The following CFAP54 variants were observed in gnomAD, a reference collection of about 807,000 sequenced individuals.
CFAP54 encodes cilia and flagella associated protein 54, also known as cilia- and flagella-associated protein 54.
A neutral mutation model predicts 370.4 loss-of-function variants in CFAP54; 290 were observed. The observed-to-expected ratio is 0.78, with a 90% CI of 0.71 to 0.86. The LOEUF is 0.86. Among genes scored for constraint, CFAP54 ranks in the 40% least tolerant of loss-of-function variants. The probability of loss-of-function intolerance (pLI) is 0.00; values close to 1 mark genes in which losing one functional copy is unlikely to be tolerated. For missense variants in CFAP54, 3,399 were observed against 3,528.7 expected (o/e 0.96, Z 0.93); for synonymous variants, 1,206 against 1,236.5 (o/e 0.98, Z 0.52).
At chr12:96,831,511 A>G (rs1959171049) in intron 66 of CFAP54, among the ~76,000 whole-genome samples, 1 of 152,212 alleles carries the variant, frequency 6.6e-6, no homozygotes, top group African/African-American at 2.4e-5. Context: ...TGGCCTACAA[A>G]GCCTAACTTA....
At chr12:96,811,968 T>C in intron 64 of CFAP54, 126 bp downstream of exon 64, 1 of 566,876 alleles carries the variant, frequency 1.8e-6, no homozygotes, top group Non-Finnish European at 3.0e-6. Flanking sequence ...GAATCTTCCT[T>C]TTGTTTAGAG....
intron 66 of CFAP54, among the ~76,000 whole-genome samples, chr12:96,835,553 G>C (rs1342331002): frequency 6.6e-6 from 1 of 152,156 alleles, no homozygotes; most frequent in Non-Finnish European, 1.5e-5. Flanking sequence ...TTCATTACAT[G>C]CAGGCTTGGC....
intron 14 of CFAP54, among the ~76,000 whole-genome samples, chr12:96,546,050 G>C (rs1429086384): frequency 6.6e-6 from 1 of 152,192 alleles, no homozygotes; most frequent in African/African-American, 2.4e-5. Context: ...ACCCAGGGAG[G>C]GGGTCACAGG....
At position 96,824,415 on chromosome 12, in the gene CFAP54, G is replaced by A. The variant is rs75920202; in HGVS notation, c.9097-4599G>A. On this transcript the variant is annotated intron_variant, in intron 65 of 67. Coordinates refer to ENST00000524981, the MANE Select transcript of CFAP54 (RefSeq NM_001306084.2). ...CTTCATCTGTGATGTGAATTGATTA[G>A]TGACATAGACAGTGTCATTTTGTTT... Among the ~76,000 whole-genome samples, 1,426 of 152,300 alleles carry A rather than the reference G, an allele frequency of 9.4e-3. 52 individuals are homozygous for A. In the East Asian group the frequency reaches 0.097, roughly 10 times the overall value.
intron 19 of CFAP54, among the ~76,000 whole-genome samples, chr12:96,568,349 GA>G (rs1386608711): frequency 8.5e-5 from 13 of 152,072 alleles, no homozygotes; most frequent in Admixed American, 7.9e-4. Context: ...GATGCATTAA[GA>G]GGCTCTATTT....
At chr12:96,654,454 T>G (rs1424479461) in intron 36 of CFAP54, among the ~76,000 whole-genome samples, 1 of 143,448 alleles carries the variant, frequency 7.0e-6, no homozygotes, top group Non-Finnish European at 1.5e-5. Context: ...TGAGCCGAGA[T>G]CCCGCCGCTG....
intron 50 of CFAP54, among the ~76,000 whole-genome samples, chr12:96,734,732 A>G (rs1350969947): frequency 3.3e-5 from 5 of 152,224 alleles, no homozygotes; most frequent in Non-Finnish European, 7.3e-5. Context: ...AAAAAATACA[A>G]TTAAATAACA....
At chr12:96,855,209 C>T in intron 66 of CFAP54, among the ~76,000 whole-genome samples, 1 of 152,176 alleles carries the variant, frequency 6.6e-6, no homozygotes. Flanking sequence ...AGGTCCCTCT[C>T]ATGACACATG....
chr12:96,499,978 A>AAAACC (rs1407516043), intron 1 of CFAP54, among the ~76,000 whole-genome samples: 1 of 150,890 alleles, frequency 6.6e-6, no homozygotes, highest in African/African-American at 2.5e-5. Context: ...AAAACAAAAC[A>AAAACC]AAACAAAAAA....
At chr12:96,758,274 T>A (rs1958288189) in intron 58 of CFAP54, among the ~76,000 whole-genome samples, 2 of 152,144 alleles carry the variant, frequency 1.3e-5, no homozygotes, top group African/African-American at 4.8e-5. Context: ...AAGACATACC[T>A]GAGACTGAGT....
At chr12:96,549,435 C>T (rs1955672423) in intron 15 of CFAP54, among the ~76,000 whole-genome samples, 1 of 152,016 alleles carries the variant, frequency 6.6e-6, no homozygotes, top group Non-Finnish European at 1.5e-5. Flanking sequence ...AATTTATTAC[C>T]ATCTGCTGGG....
Position 96,757,555 on chromosome 12 carries a change from G to T in CFAP54, c.8007G>T (p.Lys2669Asn). The T allele has an allele frequency of 6.3e-7, 1 of 1,598,118 alleles. No homozygotes were observed. ...TGTATTTTCATCTGAAGAAGCCAAA[G>T]ATAAAAATTTCAGGATCACCATTAA... is the stretch of plus-strand genomic sequence containing the variant. Reference protein sequence around the residue: ...ALLYFHLKKPKIKISGSPLTL... With the variant: ...ALLYFHLKKPNIKISGSPLTL... The change falls in exon 58 of 68, where the codon AAG becomes AAT. Residue 2669 changes from lysine to asparagine, a missense_variant. Transcript: ENST00000524981.
chr12:96,577,616 A>G (rs1468075221), intron 20 of CFAP54, among the ~76,000 whole-genome samples: 2 of 151,542 alleles, frequency 1.3e-5, no homozygotes, highest in Non-Finnish European at 2.9e-5. Context: ...GTCTGACCTT[A>G]AGAAAGCTAA....
At chr12:96,554,139 TCC>T (rs1482100004) in intron 15 of CFAP54, 41 bp from the exon 16 acceptor site, 1 of 1,328,948 alleles carries the variant, frequency 7.5e-7, no homozygotes, top group African/African-American at 1.5e-5. Flanking sequence ...CATTTGATTT[TCC>T]CTTGTTTTAT....
At chr12:96,768,369 T>C (rs1958423206) in intron 60 of CFAP54, among the ~76,000 whole-genome samples, 1 of 151,622 alleles carries the variant, frequency 6.6e-6, no homozygotes, top group Non-Finnish European at 1.5e-5. Flanking sequence ...AAGAGCATAA[T>C]AGGCTGGGTG....
At chr12:96,811,914 G>T in intron 64 of CFAP54, 72 bp downstream of exon 64, 1 of 922,482 alleles carries the variant, frequency 1.1e-6, no homozygotes, top group Non-Finnish European at 1.6e-6. Context: ...TTCAGTAATT[G>T]GCAAGGTGTA....
At chr12:96,513,215 A>G (rs1955192569) in intron 5 of CFAP54, among the ~76,000 whole-genome samples, 171 bp downstream of exon 5, 1 of 152,058 alleles carries the variant, frequency 6.6e-6, no homozygotes, top group Non-Finnish European at 1.5e-5. Context: ...TTTTGCTTTA[A>G]TAGGGATCAT....
At chr12:96,564,175 A>G (rs1028694214) in intron 17 of CFAP54, among the ~76,000 whole-genome samples, 5 of 152,232 alleles carry the variant, frequency 3.3e-5, no homozygotes, top group African/African-American at 1.2e-4. Context: ...TAAAGTCAAC[A>G]GAAGTAGGTT....
At chr12:96,634,046 CTTTTTTTTTTTT>C (rs71437232) in intron 32 of CFAP54, among the ~76,000 whole-genome samples, 1 of 56,866 alleles carries the variant, frequency 1.8e-5, no homozygotes, top group Non-Finnish European at 3.3e-5. Flanking sequence ...TAGCGAACAT[CTTTTTTTTTTTT>C]TTTTTTTTTT....
Sources: gnomAD v4.1 joint callset for allele counts (sites outside exome capture counted in the v4.1 genomes callset) on GRCh38, gnomAD v4.1.1 for gene constraint, MANE v1.5 for transcripts, NCBI Gene and HGNC (gene_info 2026-07-23, HGNC 2026-07-21) for gene names.